Variants in EXOC5 observed in about 807,000 individuals in gnomAD.
EXOC5 encodes the protein exocyst complex component 5, also known as SEC10-like 1.
EXOC5 carries 17 observed loss-of-function variants against 90.8 expected under a neutral mutation model. The ratio of observed to expected loss-of-function variants is 0.19; its 90% CI spans 0.13 to 0.28. The LOEUF is 0.28. Ranked by LOEUF, EXOC5 falls within the 10% of genes least tolerant of loss-of-function variation. The probability of loss-of-function intolerance (pLI) is 1.00; values close to 1 mark genes in which losing one functional copy is unlikely to be tolerated. For synonymous variants in EXOC5, 260 were observed against 270.0 expected (o/e 0.96, Z 0.36); for missense variants, 569 against 830.6 (o/e 0.69, Z 3.87).
chr14:57,251,325 T>C (rs1434076669), intron 1 of EXOC5, among the ~76,000 whole-genome samples: 2 of 152,178 alleles, frequency 1.3e-5, no homozygotes, highest in African/African-American at 2.4e-5. Flanking sequence ...TGAGGGCTAA[T>C]TGCTGCTTCA....
rs1882628176 is a variant in EXOC5 at position 57,205,597 on chromosome 14, A to AAAT, written c.*3009_*3011dup. On this transcript the variant is annotated 3_prime_UTR_variant, in exon 18 of 18. Transcript: ENST00000621441. ...AAAATCTCTTTATCCAGATCCTTGT[A>AAAT]AATATTCACCATTACAGGTAAGAAA... 3.8e-5 allele frequency: 12 copies of AAAT among 314,272 alleles called. No individual in the cohort carries two copies. Among genetic ancestry groups the AAAT allele is most frequent in the South Asian group, 3.4e-4 (12 of 35,776 alleles). 19.5% of individuals were successfully genotyped at this position (314,272 alleles called of 1,614,324 possible). A position where few individuals can be genotyped will look rare whatever the true frequency, so the allele number is the denominator to read the frequency against.
At chr14:57,249,030 A>G (rs1277702225) in intron 1 of EXOC5, among the ~76,000 whole-genome samples, 1 of 152,136 alleles carries the variant, frequency 6.6e-6, no homozygotes, top group Admixed American at 6.5e-5. Flanking sequence ...GCTACTTAAA[A>G]ATTTTAGAAA....
intron 5 of EXOC5, among the ~76,000 whole-genome samples, chr14:57,238,090 G>T (rs1245612672): frequency 2.0e-5 from 3 of 151,496 alleles, no homozygotes; most frequent in Non-Finnish European, 4.4e-5. Context: ...AATGAAGAAG[G>T]AAACAAAAAT....
chr14:57,234,539 A>G (rs8010007), intron 7 of EXOC5, among the ~76,000 whole-genome samples: 33,333 of 132,994 alleles, frequency 0.25, 5,721 homozygotes, highest in African/African-American at 0.54. Flanking sequence ...GTGTGTGTGT[A>G]TATATATATA....
At chr14:57,263,173 T>C (rs1358243686) in intron 1 of EXOC5, among the ~76,000 whole-genome samples, 2 of 152,178 alleles carry the variant, frequency 1.3e-5, no homozygotes, top group Non-Finnish European at 2.9e-5. Context: ...AAAAGCCTTC[T>C]TAAAACTTCC....
At chr14:57,260,679 G>T (rs567669270) in intron 1 of EXOC5, among the ~76,000 whole-genome samples, 2 of 151,994 alleles carry the variant, frequency 1.3e-5, no homozygotes, top group Non-Finnish European at 2.9e-5. Flanking sequence ...TTTAAAATTC[G>T]TAATGCAAGA....
Position 57,231,645 on chromosome 14 carries a change from G to A in EXOC5, c.1009C>T (p.Leu337Phe), listed in dbSNP as rs1883489039. The A allele has an allele frequency of 6.2e-7, 1 of 1,612,782 alleles. No individual in the cohort carries two copies. The highest frequency in any genetic ancestry group is 1.3e-5 in the African/African-American group (1 of 74,866). The change falls in exon 11 of 18, where the codon CTT becomes TTT. Residue 337 changes from leucine (L) to phenylalanine (F), a missense_variant. By Grantham distance (22) the Leu-to-Phe change is conservative. Coordinates refer to ENST00000621441, the MANE Select transcript of EXOC5 (RefSeq NM_006544.4). ...GTDKQTFLSKLIKSIFISYLE... is the reference protein window; with the variant it reads ...GTDKQTFLSKFIKSIFISYLE... ...TAGGAAATGAAAATGGATTTGATAA[G>A]CTTAGACAAGAAAGTCTGTTTATCA...
At chr14:57,223,510 C>T (rs937016501) in intron 12 of EXOC5, among the ~76,000 whole-genome samples, 2 of 151,946 alleles carry the variant, frequency 1.3e-5, no homozygotes, top group South Asian at 2.1e-4. Flanking sequence ...TAATACTACC[C>T]AACCTTTACC....
chr14:57,228,514 C>G (rs1446046618), intron 12 of EXOC5, among the ~76,000 whole-genome samples: 1 of 152,116 alleles, frequency 6.6e-6, no homozygotes, highest in Non-Finnish European at 1.5e-5. Flanking sequence ...CCATGGAATA[C>G]TATGCAGCCA....
rs1290551629 is a variant in EXOC5, at chr14:57,201,491, C to CAT, written c.*7117_*7118insAT. 2.3e-4 allele frequency: 28 copies of CAT among 119,516 alleles called. No homozygotes were observed. The highest frequency in any genetic ancestry group is 1.6e-3 in the African/African-American group (27 of 16,642). 7.4% of individuals were successfully genotyped at this position (119,516 alleles called of 1,614,324 possible). On this transcript the variant is annotated 3_prime_UTR_variant, in exon 18 of 18. Transcript: ENST00000621441. Reference sequence around the variant, plus strand: ...ATATGTACACACACGTGTATAAACACACGTGTATATACACACACATATGTA... The same window carrying CAT: ...ATATGTACACACACGTGTATAAACACATACGTGTATATACACACACATATGTA...
intron 7 of EXOC5, among the ~76,000 whole-genome samples, chr14:57,235,130 T>C (rs936955827): frequency 3.3e-5 from 5 of 152,094 alleles, no homozygotes; most frequent in African/African-American, 1.2e-4. Context: ...GTCCAACAAA[T>C]AGCTTCCCCT....
rs113413281 is a variant in EXOC5, at chr14:57,255,724, C to T, written c.28-8012G>A. On this transcript the variant is annotated intron_variant, in intron 1 of 17. Transcript: ENST00000621441. ...GTGGGCACCTGTAGTCCTAGCTACTCGGGAAGCTGAGGTAGGAGAATTGCT... is the reference window on the plus strand; with the variant it reads ...GTGGGCACCTGTAGTCCTAGCTACTTGGGAAGCTGAGGTAGGAGAATTGCT... Among the ~76,000 whole-genome samples, 366 of 151,526 alleles carry T rather than the reference C, an allele frequency of 2.4e-3. 3 individuals are homozygous for T. The highest frequency in any genetic ancestry group is 8.5e-3 in the African/African-American group (350 of 41,228).
intron 1 of EXOC5, among the ~76,000 whole-genome samples, chr14:57,258,651 C>G (rs1884416468): frequency 6.6e-6 from 1 of 152,148 alleles, no homozygotes; most frequent in Non-Finnish European, 1.5e-5. Flanking sequence ...ACCTACGTAA[C>G]AAACCTGTAC....
At position 57,202,437 on chromosome 14, in the gene EXOC5, C is replaced by A. The variant is rs986823814; in HGVS notation, c.*6172G>T. 1.3e-5 allele frequency: 2 copies of A among 152,146 alleles called. No individual in the cohort carries two copies. The highest frequency in any genetic ancestry group is 6.5e-5 in the Admixed American group (1 of 15,278). 9.4% of individuals were successfully genotyped at this position (152,146 alleles called of 1,614,324 possible). ...GAAGCATTCTTTCTTCTTGGAAATA[C>A]AAAAGTATTGGAGGGTGGTGCAGCA... On this transcript the variant is annotated 3_prime_UTR_variant, in exon 18 of 18. Transcript: ENST00000621441.
chr14:57,268,657 G>T lies in EXOC5; in HGVS notation c.-9C>A. ...TCGGCCGTGGTAGCCATCCCGGCCG[G>T]CTGAGAGGCTCGCCCCCCACTGGAT... is the stretch of plus-strand genomic sequence containing the variant. On this transcript the variant is annotated 5_prime_UTR_variant, in exon 1 of 18. Coordinates refer to ENST00000621441, the MANE Select transcript of EXOC5 (RefSeq NM_006544.4). The T allele has an allele frequency of 6.3e-7, 1 of 1,586,274 alleles. No homozygotes were observed.
In EXOC5 at chr14:57,235,833, T is replaced by A; in HGVS notation, c.560-13A>T. ...TCATGGTATTTACCTAAAAATAAAG[T>A]CATTCAGCTACACTGAGGCATACAA... On this transcript the variant is annotated splice_polypyrimidine_tract_variant and intron_variant, in intron 6 of 17. Transcript: ENST00000621441. 1 of 1,377,920 alleles carries A rather than the reference T, an allele frequency of 7.3e-7. No homozygotes were observed. Among genetic ancestry groups the A allele is most frequent in the South Asian group, 1.2e-5 (1 of 80,424 alleles). The allele number at this position is 1,377,920 out of a possible 1,614,324, so 85.4% of individuals were successfully genotyped here.
chr14:57,222,326 A>G lies in EXOC5; in HGVS notation c.1387T>C (p.Leu463=). 1 of 1,552,626 alleles carries G rather than the reference A, an allele frequency of 6.4e-7. No individual in the cohort carries two copies. Among genetic ancestry groups the G allele is most frequent in the Non-Finnish European group, 8.8e-7 (1 of 1,134,534 alleles). ...TACTTACCAGCAAGTCCTGTTTCCA[A>G]AGCATAATCAATATGCTCAATACAT... ...FLCIEHIDYA[L]ETGLAGIPSS... The change falls in exon 13 of 18, where the codon TTG becomes CTG. Residue 463 remains leucine (L), a synonymous_variant. Transcript: ENST00000621441.
Position 57,208,719 on chromosome 14 carries a change from G to C in EXOC5, c.2017C>G (p.Gln673Glu), listed in dbSNP as rs1306461590. The change falls in exon 18 of 18, where the codon CAA becomes GAA. Residue 673 changes from glutamine to glutamate, a missense_variant. Around this residue, in one of 9 missense-constraint regions of EXOC5, gnomAD observed 122 missense variants for 180.0 expected, o/e 0.68. Transcript: ENST00000621441. The stretch of plus-strand genomic sequence containing the variant: ...GCAAGTTGTTCTCCTGAGCAGACTT[G>C]CTTTAAATTATCTGGGGCAACTACC... ...LLVVAPDNLK[Q>E]VCSGEQLANL... is the part of the protein sequence containing the mutation. The C allele has an allele frequency of 1.9e-6, 3 of 1,611,250 alleles. No homozygotes were observed. The highest frequency in any genetic ancestry group is 2.5e-6 in the Non-Finnish European group (3 of 1,177,842).
chr14:57,260,589 T>G (rs1164033396), intron 1 of EXOC5, among the ~76,000 whole-genome samples: 1 of 152,196 alleles, frequency 6.6e-6, no homozygotes, highest in Non-Finnish European at 1.5e-5. Context: ...GTTATATATA[T>G]TATGTCTATG....
Sources: gnomAD v4.1 joint callset for allele counts (sites outside exome capture counted in the v4.1 genomes callset) on GRCh38, gnomAD v4.1.1 for gene constraint, gnomAD v4.1.1 regional missense constraint, MANE v1.5 for transcripts, NCBI Gene and HGNC (gene_info 2026-07-23, HGNC 2026-07-21) for gene names.